Variants in NOS1AP observed in about 807,000 individuals in gnomAD.
NOS1AP encodes nitric oxide synthase 1 adaptor protein.
In NOS1AP, 21 loss-of-function variants were observed where a neutral mutation model predicts 56.2. The observed-to-expected ratio is 0.37, with a 90% confidence interval of 0.26 to 0.54. NOS1AP has a LOEUF of 0.54. NOS1AP is among the 20% of genes least tolerant of loss of function. The probability of loss-of-function intolerance (pLI) is 0.84; values close to 1 mark genes in which losing one functional copy is unlikely to be tolerated. For missense variants in NOS1AP, 522 were observed against 657.8 expected, an observed-to-expected ratio of 0.79 and a Z score of 2.26; for synonymous variants, 270 against 274.6, an observed-to-expected ratio of 0.98 and a Z score of 0.17.
intron 9 of NOS1AP, among the ~76,000 whole-genome samples, chr1:162,366,476 A>G (rs1358968966): frequency 2.0e-5 from 3 of 152,150 alleles, no homozygotes; most frequent in Non-Finnish European, 4.4e-5. Context: ...TTTTGTTCCA[A>G]CTATACCAGT....
chr1:162,285,167 A>C (rs1478995186), intron 2 of NOS1AP, among the ~76,000 whole-genome samples: 3 of 152,200 alleles, frequency 2.0e-5, no homozygotes, highest in Non-Finnish European at 4.4e-5. Context: ...GGGACTCTTC[A>C]GCCTTTAACT....
At chr1:162,184,376 A>C (rs1009277131) in intron 2 of NOS1AP, among the ~76,000 whole-genome samples, 1 of 152,248 alleles carries the variant, frequency 6.6e-6, no homozygotes, top group African/African-American at 2.4e-5. Flanking sequence ...AATGTGACAG[A>C]TATGAGGTGA....
At chr1:162,219,156 C>A (rs548837780) in intron 2 of NOS1AP, among the ~76,000 whole-genome samples, 1 of 152,284 alleles carries the variant, frequency 6.6e-6, no homozygotes, top group South Asian at 2.1e-4. Context: ...ACCTTTCCAG[C>A]CCTACCTCTT....
intron 2 of NOS1AP, among the ~76,000 whole-genome samples, chr1:162,246,240 A>G (rs1256813050): frequency 6.6e-6 from 1 of 152,126 alleles, no homozygotes; most frequent in Non-Finnish European, 1.5e-5. Context: ...TGTGTTGAAT[A>G]TTGAGATACA....
chr1:162,172,493 C>G (rs1387998303), intron 2 of NOS1AP, among the ~76,000 whole-genome samples: 1 of 152,186 alleles, frequency 6.6e-6, no homozygotes, highest in African/African-American at 2.4e-5. Flanking sequence ...TATTGAAACC[C>G]TCTAGATGGC....
rs965344774 is a variant in NOS1AP, at chr1:162,156,133, AT to A, written c.177+1664del. 5.9e-5 allele frequency among the ~76,000 whole-genome samples: 9 copies of A among 152,244 alleles called. No individual in the cohort carries two copies. In the South Asian group the frequency reaches 1.5e-3, roughly 25 times the overall value. On this transcript the variant is annotated intron_variant, in intron 2 of 9. Transcript: ENST00000361897. ...GCCTTGATCTTCGCAGTATTTCAGC[AT>A]TTTTTTATTGTTAAATTAAATTTAT...
chr1:162,148,033 G>A (rs1377637659), intron 1 of NOS1AP, among the ~76,000 whole-genome samples: 1 of 152,154 alleles, frequency 6.6e-6, no homozygotes, highest in Non-Finnish European at 1.5e-5. Flanking sequence ...GGTAAACCAG[G>A]AATTGCATGT....
chr1:162,111,215 T>G (rs1397716754), intron 1 of NOS1AP, among the ~76,000 whole-genome samples: 1 of 152,198 alleles, frequency 6.6e-6, no homozygotes, highest in Non-Finnish European at 1.5e-5. Context: ...CAGATAGGAC[T>G]AGAGTATTCC....
At chr1:162,335,835 G>A (rs1656924682) in intron 5 of NOS1AP, among the ~76,000 whole-genome samples, 2 of 152,170 alleles carry the variant, frequency 1.3e-5, no homozygotes, top group South Asian at 4.1e-4. Context: ...GTTCACATGG[G>A]GAAAGGGTTA....
In NOS1AP at chr1:162,343,952, A is replaced by G; in HGVS notation, c.571A>G (p.Asn191Asp). The change falls in exon 6 of 10, where the codon AAC (asparagine) becomes GAC (aspartate). Residue 191 changes from asparagine (N) to aspartate (D), a missense_variant. Asn to Asp is a conservative substitution (Grantham distance 23). This residue lies in a region of NOS1AP where 178 missense variants were observed against 165.0 expected (regional missense o/e 1.08). Coordinates refer to ENST00000361897, the MANE Select transcript of NOS1AP (RefSeq NM_014697.3). ...CCAGGAAGATGGAGAGAGCGAGAGGAACAGCAACAGCTCAGGAGACCCAGG... is the reference window on the plus strand; with the variant it reads ...CCAGGAAGATGGAGAGAGCGAGAGGGACAGCAACAGCTCAGGAGACCCAGG... ...DGQEDGESER[N>D]SNSSGDPGRQ... The G allele has an allele frequency of 6.2e-7, 1 of 1,614,162 alleles. No individual in the cohort carries two copies. The highest frequency in any genetic ancestry group is 8.5e-7 in the Non-Finnish European group (1 of 1,180,034).
chr1:162,184,282 AT>A (rs1557823934), intron 2 of NOS1AP, among the ~76,000 whole-genome samples: 1 of 152,208 alleles, frequency 6.6e-6, no homozygotes, highest in Non-Finnish European at 1.5e-5. Flanking sequence ...AAAAATTACA[AT>A]AGTAACAATA....
chr1:162,133,951 C>G (rs979495688), intron 1 of NOS1AP, among the ~76,000 whole-genome samples: 11 of 152,052 alleles, frequency 7.2e-5, no homozygotes, highest in African/African-American at 2.2e-4. Flanking sequence ...AGTTCCTGCC[C>G]CATGAACTTG....
chr1:162,140,014 A>G (rs999687218), intron 1 of NOS1AP, among the ~76,000 whole-genome samples: 1 of 152,128 alleles, frequency 6.6e-6, no homozygotes, highest in African/African-American at 2.4e-5. Context: ...TTTTCAGTAG[A>G]GACAAGGTTT....
At chr1:162,360,400 C>T (rs1504430) in intron 8 of NOS1AP, 48,739 of 164,744 alleles carry the variant, frequency 0.3, 8,394 homozygotes, top group East Asian at 0.5. Context: ...TGGGATGTAG[C>T]TGGCACCTGC....
chr1:162,339,525 G>A (rs12043535), intron 5 of NOS1AP, among the ~76,000 whole-genome samples: 42,984 of 151,856 alleles, frequency 0.28, 6,440 homozygotes, highest in East Asian at 0.53. Flanking sequence ...TTAAACCTCT[G>A]CTTTAGTCTC....
intron 3 of NOS1AP, among the ~76,000 whole-genome samples, chr1:162,289,196 C>CTTCCTTCCTTCCTTCCTTCCT (rs1187788749): frequency 0.015 from 1,960 of 127,144 alleles, 197 homozygotes; most frequent in East Asian, 0.097. Flanking sequence ...CCTTTCTTTC[C>CTTCCTTCCTTCCTTCCTTCCT]TTCCTTCCTT....
chr1:162,362,832 C>T (rs867465401), intron 8 of NOS1AP, among the ~76,000 whole-genome samples: 8 of 152,186 alleles, frequency 5.3e-5, no homozygotes, highest in Admixed American at 2.0e-4. Context: ...TGAAATTTCT[C>T]CATGCCTCCC....
intron 1 of NOS1AP, among the ~76,000 whole-genome samples, chr1:162,088,069 A>C (rs751888105): frequency 6.6e-6 from 1 of 152,138 alleles, no homozygotes; most frequent in Non-Finnish European, 1.5e-5. Flanking sequence ...TATAGGGTCA[A>C]ATTCTGCGGA....
chr1:162,115,040 G>A (rs1647885751), intron 1 of NOS1AP, among the ~76,000 whole-genome samples: 1 of 152,170 alleles, frequency 6.6e-6, no homozygotes, highest in Admixed American at 6.5e-5. Flanking sequence ...ATGGAAGAAG[G>A]AGCAGCTTGT....
Sources: gnomAD v4.1 joint callset for allele counts (sites outside exome capture counted in the v4.1 genomes callset) on GRCh38, gnomAD v4.1.1 for gene constraint, gnomAD v4.1.1 regional missense constraint, MANE v1.5 for transcripts, NCBI Gene and HGNC (gene_info 2026-07-23, HGNC 2026-07-21) for gene names.